Variants in RUNX1 observed in about 807,000 individuals in gnomAD.
The protein encoded by RUNX1 is runt-related transcription factor 1.
In RUNX1, 19 loss-of-function variants were observed where a neutral mutation model predicts 42.8. The ratio of observed to expected loss-of-function variants is 0.44; its 90% confidence interval spans 0.31 to 0.65. RUNX1 has a LOEUF of 0.65. Ranked by LOEUF, RUNX1 falls within the 30% of genes least tolerant of loss-of-function variation. The probability of loss-of-function intolerance (pLI) is 0.07; values close to 1 mark genes in which losing one functional copy is unlikely to be tolerated. For missense variants in RUNX1, 528 were observed against 672.0 expected (o/e 0.79, Z 2.37); for synonymous variants, 271 against 289.4 (o/e 0.94, Z 0.64).
rs373669793 is a variant in RUNX1 at position 34,863,314 on chromosome 21, C to T, written c.509-3736G>A. Among the ~76,000 whole-genome samples the T allele has an allele frequency of 6.6e-5, 10 of 152,266 alleles. No homozygotes were observed. In the South Asian group the frequency reaches 8.3e-4, roughly 13 times the overall value. ...GATACTTTATCCACACCTACCACTG[C>T]CCCAAAAAGTAAAATCTGACTCTGT... On this transcript the variant is annotated intron_variant, in intron 5 of 8. Coordinates refer to ENST00000675419, the MANE Select transcript of RUNX1 (RefSeq NM_001754.5).
chr21:34,938,037 C>T (rs974359862), intron 2 of RUNX1, among the ~76,000 whole-genome samples: 1 of 152,088 alleles, frequency 6.6e-6, no homozygotes, highest in Non-Finnish European at 1.5e-5. Context: ...TGCATAGTGC[C>T]GTGCCATTTA....
chr21:34,990,795 T>C (rs1438272575), intron 2 of RUNX1, among the ~76,000 whole-genome samples: 2 of 152,296 alleles, frequency 1.3e-5, no homozygotes, highest in Admixed American at 6.5e-5. Flanking sequence ...TTTACCATGT[T>C]GGCCAGGCTG....
chr21:34,838,061 C>T (rs936289453), intron 6 of RUNX1, among the ~76,000 whole-genome samples: 14 of 152,114 alleles, frequency 9.2e-5, no homozygotes, highest in South Asian at 6.2e-4. Context: ...CTATTGTTTT[C>T]GGGGTTGGCT....
intron 2 of RUNX1, among the ~76,000 whole-genome samples, chr21:35,035,759 G>A (rs771309492): frequency 2.6e-5 from 4 of 152,158 alleles, no homozygotes; most frequent in South Asian, 2.1e-4. Context: ...CGTTTGACGC[G>A]GACTCCAGAT....
At position 34,789,835 on chromosome 21, in the gene RUNX1, T is replaced by C. The variant is rs2145862686; in HGVS notation, c.*2300A>G. 1 of 233,228 alleles carries C rather than the reference T, an allele frequency of 4.3e-6. No individual in the cohort carries two copies. Among genetic ancestry groups the C allele is most frequent in the East Asian group, 6.0e-5 (1 of 16,572 alleles). 14.4% of individuals were successfully genotyped at this position (233,228 alleles called of 1,614,324 possible). A position where few individuals can be genotyped will look rare whatever the true frequency, so the allele number is the denominator to read the frequency against. On this transcript the variant is annotated 3_prime_UTR_variant, in exon 9 of 9. Transcript: ENST00000675419. ...ATCAGAGCATGAGGCTGGTTTTGAG[T>C]TGGAATATCTTCAGTTAACAGAATT...
intron 7 of RUNX1, among the ~76,000 whole-genome samples, chr21:34,809,081 T>C (rs1321672508): frequency 6.6e-6 from 1 of 152,182 alleles, no homozygotes; most frequent in Non-Finnish European, 1.5e-5. Flanking sequence ...AAGGATCTTC[T>C]GCACTGTGCA....
intron 7 of RUNX1, chr21:34,833,953 T>C (rs1240434797): frequency 3.0e-6 from 1 of 330,600 alleles, no homozygotes; most frequent in Admixed American, 3.9e-5. Flanking sequence ...AAACACTAGA[T>C]ACAAAACCCA....
intron 2 of RUNX1, among the ~76,000 whole-genome samples, chr21:34,967,904 C>T (rs1239981606): frequency 2.0e-5 from 3 of 152,226 alleles, no homozygotes; most frequent in Non-Finnish European, 4.4e-5. Flanking sequence ...ACCAGTTTTG[C>T]AGCCTCCTTA....
At chr21:34,870,092 G>A (rs1301219919) in intron 5 of RUNX1, among the ~76,000 whole-genome samples, 5 of 152,178 alleles carry the variant, frequency 3.3e-5, no homozygotes, top group East Asian at 1.9e-4. Flanking sequence ...ACCCTTTCAC[G>A]ACCACAGAAC....
intron 2 of RUNX1, among the ~76,000 whole-genome samples, chr21:34,927,869 C>G (rs994255246): frequency 6.6e-6 from 1 of 152,186 alleles, no homozygotes; most frequent in Non-Finnish European, 1.5e-5. Context: ...TTAGCTCTGG[C>G]AATGTCTTCT....
intron 2 of RUNX1, among the ~76,000 whole-genome samples, chr21:35,037,089 G>A (rs1263213732): frequency 6.6e-6 from 1 of 152,192 alleles, no homozygotes; most frequent in Admixed American, 6.5e-5. Flanking sequence ...GGTCAGCCTT[G>A]TACAACAATG....
chr21:35,000,032 T>C (rs905532550), intron 2 of RUNX1, among the ~76,000 whole-genome samples: 1 of 152,170 alleles, frequency 6.6e-6, no homozygotes, highest in African/African-American at 2.4e-5. Flanking sequence ...AAACAGTTAT[T>C]TGATTGCAAT....
chr21:34,940,005 T>G (rs1354969167), intron 2 of RUNX1, among the ~76,000 whole-genome samples: 1 of 152,228 alleles, frequency 6.6e-6, no homozygotes, highest in Non-Finnish European at 1.5e-5. Context: ...ATTGCAATGA[T>G]GAGGCTGGAG....
At chr21:34,816,514 T>A (rs987581887) in intron 7 of RUNX1, among the ~76,000 whole-genome samples, 3 of 152,084 alleles carry the variant, frequency 2.0e-5, no homozygotes, top group African/African-American at 7.2e-5. Flanking sequence ...CACTCAAACA[T>A]GCAGCCTATC....
At chr21:34,925,157 C>T (rs2058383747) in intron 2 of RUNX1, among the ~76,000 whole-genome samples, 1 of 152,124 alleles carries the variant, frequency 6.6e-6, no homozygotes, top group South Asian at 2.1e-4. Flanking sequence ...CTATGTTATC[C>T]TTTAGAACAG....
rs1040057587 is a variant in RUNX1 at position 34,789,059 on chromosome 21, T to C, written c.*3076A>G. On this transcript the variant is annotated 3_prime_UTR_variant, in exon 9 of 9. Transcript: ENST00000675419. ...GAAAGGCTGTCTATTTACTCACTGA[T>C]TGTGATTTGCCCAGGAAAGTTTGCT... 4.3e-6 allele frequency: 1 copy of C among 233,158 alleles called. No homozygotes were observed. 14.4% of individuals were successfully genotyped at this position (233,158 alleles called of 1,614,324 possible).
At chr21:34,856,161 G>A in intron 6 of RUNX1, 2 of 359,460 alleles carry the variant, frequency 5.6e-6, no homozygotes, top group South Asian at 4.2e-5. Flanking sequence ...TTTACCCGTC[G>A]GCATGAAAAA....
chr21:34,927,839 C>A (rs889775324), intron 2 of RUNX1, among the ~76,000 whole-genome samples: 9 of 152,206 alleles, frequency 5.9e-5, no homozygotes, highest in African/African-American at 1.9e-4. Context: ...CCATCCACAG[C>A]TAATGGATGG....
intron 2 of RUNX1, among the ~76,000 whole-genome samples, chr21:34,978,433 G>A (rs937908391): frequency 1.3e-5 from 2 of 152,138 alleles, no homozygotes; most frequent in Admixed American, 6.5e-5. Context: ...CATTTTTACT[G>A]TCCTCAGGAA....
Sources: gnomAD v4.1 joint callset for allele counts (sites outside exome capture counted in the v4.1 genomes callset) on GRCh38, gnomAD v4.1.1 for gene constraint, MANE v1.5 for transcripts, NCBI Gene and HGNC (gene_info 2026-07-23, HGNC 2026-07-21) for gene names.